The following PAPPA2 variants were observed in gnomAD, a reference collection of about 807,000 sequenced individuals.
PAPPA2 encodes the protein pappalysin-2.
A neutral mutation model predicts 176.4 loss-of-function variants in PAPPA2; 86 were observed. The ratio of observed to expected loss-of-function variants is 0.49; its 90% confidence interval spans 0.41 to 0.58. PAPPA2 has a LOEUF of 0.58. Ranked by LOEUF, PAPPA2 falls within the 20% of genes least tolerant of loss-of-function variation. The pLI is 0.00. For missense variants in PAPPA2, 2,073 were observed against 2,256.9 expected (o/e 0.92, Z 1.65); for synonymous variants, 809 against 852.2 (o/e 0.95, Z 0.88).
intron 3 of PAPPA2, among the ~76,000 whole-genome samples, chr1:176,670,675 T>G (rs1428734628): frequency 3.3e-5 from 5 of 152,210 alleles, no homozygotes; most frequent in Non-Finnish European, 7.3e-5. Flanking sequence ...TAGATTTATC[T>G]TGAAGAAATA....
rs189717891 is a variant in PAPPA2 at position 176,529,982 on chromosome 1, G to T, written c.-916-25425G>T. Among the ~76,000 whole-genome samples, 615 of 152,236 alleles carry T rather than the reference G, an allele frequency of 4.0e-3. 4 individuals carry two copies. The highest frequency in any genetic ancestry group is 0.014 in the African/African-American group (573 of 41,512). ...GACTGGAGATATTCCAAAGCTTAAT[G>T]TACAGGGACCAGCTAAAAACCTCAA... On this transcript the variant is annotated intron_variant, in intron 1 of 22. Transcript: ENST00000367662.
intron 21 of PAPPA2, among the ~76,000 whole-genome samples, chr1:176,837,504 T>C (rs371228333): frequency 7.5e-6 from 1 of 132,590 alleles, no homozygotes; most frequent in African/African-American, 2.7e-5. Flanking sequence ...AAAAAACGGG[T>C]GTTTTATAAA....
intron 17 of PAPPA2, among the ~76,000 whole-genome samples, chr1:176,777,747 A>T (rs1440247208): frequency 6.6e-6 from 1 of 152,170 alleles, no homozygotes; most frequent in Non-Finnish European, 1.5e-5. Flanking sequence ...AATAAATGAG[A>T]TAATAGATGG....
At chr1:176,590,412 G>A (rs1653587038) in intron 2 of PAPPA2, among the ~76,000 whole-genome samples, 1 of 151,946 alleles carries the variant, frequency 6.6e-6, no homozygotes, top group Non-Finnish European at 1.5e-5. Flanking sequence ...TCAGGACTTG[G>A]ATTTTTTTTT....
intron 1 of PAPPA2, among the ~76,000 whole-genome samples, chr1:176,538,152 T>G (rs1042865868): frequency 6.6e-6 from 1 of 152,134 alleles, no homozygotes. Flanking sequence ...ACCATTTCAT[T>G]CCGTTCATAC....
At chr1:176,528,615 A>G (rs1649624195) in intron 1 of PAPPA2, among the ~76,000 whole-genome samples, 1 of 152,196 alleles carries the variant, frequency 6.6e-6, no homozygotes, top group African/African-American at 2.4e-5. Context: ...ATCATTCACA[A>G]TTCTGTCTTT....
intron 14 of PAPPA2, among the ~76,000 whole-genome samples, chr1:176,759,520 T>C (rs1475891071): frequency 1.3e-5 from 2 of 152,158 alleles, no homozygotes; most frequent in Non-Finnish European, 2.9e-5. Context: ...TCTGACCGAC[T>C]CTGAAGTATT....
rs895410593 is a variant in PAPPA2 at position 176,521,478 on chromosome 1, C to T, written c.-916-33929C>T. ...GAGGCCATTTTGATCTTCCAGTTAT[C>T]CCACTGCCCTACCTACACCACATGA... On this transcript the variant is annotated intron_variant, in intron 1 of 22. Transcript: ENST00000367662. Among the ~76,000 whole-genome samples, 8 of 152,288 alleles carry T rather than the reference C, an allele frequency of 5.3e-5. No individual in the cohort carries two copies. In the South Asian group the frequency reaches 6.2e-4, roughly 12 times the overall value.
chr1:176,562,281 C>G lies in PAPPA2; in HGVS notation c.919+5040C>G, dbSNP rs575318804. ...ACAGAATGCTGAAACATCCCCTTCT[C>G]CCAATAAGGGAGGTTTGTACTCAAG... On this transcript the variant is annotated intron_variant, in intron 2 of 22. Transcript: ENST00000367662. 3.3e-5 allele frequency among the ~76,000 whole-genome samples: 5 copies of G among 152,240 alleles called. No homozygotes were observed. In the South Asian group the frequency reaches 1.0e-3, roughly 32 times the overall value.
At chr1:176,729,953 G>A (rs1222230201) in intron 12 of PAPPA2, among the ~76,000 whole-genome samples, 1 of 151,736 alleles carries the variant, frequency 6.6e-6, no homozygotes, top group African/African-American at 2.4e-5. Flanking sequence ...ATGTTAAATA[G>A]CCTTGGTAGA....
chr1:176,561,678 C>A (rs916099092), intron 2 of PAPPA2, among the ~76,000 whole-genome samples: 1 of 152,082 alleles, frequency 6.6e-6, no homozygotes, highest in Non-Finnish European at 1.5e-5. Flanking sequence ...TTTCTGGAGG[C>A]CATAAAACCT....
intron 1 of PAPPA2, among the ~76,000 whole-genome samples, chr1:176,521,436 T>C (rs1205397175): frequency 6.6e-6 from 1 of 152,166 alleles, no homozygotes; most frequent in African/African-American, 2.4e-5. Context: ...CCACATTAAC[T>C]GTCAGCCACA....
intron 7 of PAPPA2, among the ~76,000 whole-genome samples, chr1:176,697,618 CAT>C (rs1390899233): frequency 8.5e-5 from 13 of 152,256 alleles, no homozygotes; most frequent in Admixed American, 3.9e-4. Context: ...CTAAAACAGA[CAT>C]ATTCCCTGCT....
At chr1:176,733,447 G>A (rs951930768) in intron 12 of PAPPA2, among the ~76,000 whole-genome samples, 1 of 151,930 alleles carries the variant, frequency 6.6e-6, no homozygotes, top group African/African-American at 2.4e-5. Context: ...ATTCTCAGTG[G>A]GTCAATAGTT....
chr1:176,797,371 C>T (rs962232328), intron 20 of PAPPA2, among the ~76,000 whole-genome samples: 2 of 152,100 alleles, frequency 1.3e-5, no homozygotes, highest in Admixed American at 1.3e-4. Flanking sequence ...CAGCTGGGCA[C>T]AGTGGCTCCT....
At chr1:176,487,992 G>A (rs569161508) in intron 1 of PAPPA2, among the ~76,000 whole-genome samples, 20 of 152,224 alleles carry the variant, frequency 1.3e-4, no homozygotes, top group Admixed American at 7.8e-4. Flanking sequence ...AAATGGAATG[G>A]GCTGTTTTTA....
intron 19 of PAPPA2, 37 bp from the exon 20 acceptor site, chr1:176,793,523 A>G: frequency 6.6e-7 from 1 of 1,508,158 alleles, no homozygotes; most frequent in Non-Finnish European, 9.2e-7. Flanking sequence ...GAGATCTGGG[A>G]AGTTCAAGTC....
chr1:176,470,428 C>T (rs1651817910), intron 1 of PAPPA2, among the ~76,000 whole-genome samples: 1 of 152,186 alleles, frequency 6.6e-6, no homozygotes, highest in African/African-American at 2.4e-5. Context: ...GATGACTCCA[C>T]ATCCATCCAC....
Position 176,845,190 on chromosome 1 carries a change from G to A in PAPPA2, c.*2736G>A, listed in dbSNP as rs1377723589. 6.6e-6 allele frequency: 1 copy of A among 152,176 alleles called. No individual in the cohort carries two copies. The highest frequency in any genetic ancestry group is 2.4e-5 in the African/African-American group (1 of 41,436). The allele number at this position is 152,176 out of a possible 1,614,324, so 9.4% of individuals were successfully genotyped here. On this transcript the variant is annotated 3_prime_UTR_variant, in exon 23 of 23. Coordinates refer to ENST00000367662, the MANE Select transcript of PAPPA2 (RefSeq NM_020318.3). ...CATTCTGCTACTCTTATCCACCCAT[G>A]TGGTCATTGAGAGCCTTTCTCAGAG...
Sources: allele counts gnomAD v4.1 joint callset (sites outside exome capture counted in the v4.1 genomes callset), GRCh38; gene constraint gnomAD v4.1.1; transcripts MANE v1.5; gene names NCBI Gene and HGNC (gene_info 2026-07-23, HGNC 2026-07-21).